OR2L3: variants seen among roughly 807,000 people sequenced by gnomAD.
OR2L3 encodes the protein olfactory receptor 2L3.
For synonymous variants in OR2L3, 131 were observed against 139.1 expected, an observed-to-expected ratio of 0.94 and a Z score of 0.41; for missense variants, 369 against 376.6, an observed-to-expected ratio of 0.98 and a Z score of 0.17.
rs1356663408 is a variant in OR2L3, at chr1:248,061,721, G to A, written c.*101G>A. 9 of 1,083,884 alleles carry A rather than the reference G, an allele frequency of 8.3e-6. No individual in the cohort carries two copies. Among genetic ancestry groups the A allele is most frequent in the East Asian group, 5.2e-5 (2 of 38,462 alleles). 67.1% of individuals were successfully genotyped at this position (1,083,884 alleles called of 1,614,324 possible). ...CAATCCTAGAGTTCAGGAGCTAAAA[G>A]TAATCAAGGTAAGAGAAAAAAATCA... On this transcript the variant is annotated 3_prime_UTR_variant, in exon 2 of 2. Coordinates refer to ENST00000359959, the MANE Select transcript of OR2L3 (RefSeq NM_001004687.2).
chr1:248,053,864 G>A (rs1437587141), intron 1 of OR2L3, among the ~76,000 whole-genome samples: 7 of 151,992 alleles, frequency 4.6e-5, no homozygotes, highest in Non-Finnish European at 1.0e-4. Context: ...TTAGATCTTT[G>A]TCAGATGGAT....
In OR2L3 at chr1:248,060,673, G is replaced by A. The variant is rs377553332; in HGVS notation, c.-9G>A. On this transcript the variant is annotated 5_prime_UTR_variant, in exon 2 of 2. Coordinates refer to ENST00000359959, the MANE Select transcript of OR2L3 (RefSeq NM_001004687.2). ...TGTCTCCCTTCAGGAAAGAGCACAC[G>A]AATGCCCCATGGAAAATTACAATCA... 15 of 1,604,496 alleles carry A rather than the reference G, an allele frequency of 9.3e-6. No homozygotes were observed. The highest frequency in any genetic ancestry group is 2.7e-5 in the African/African-American group (2 of 74,726).
chr1:248,061,469 C>T lies in OR2L3; in HGVS notation c.788C>T (p.Ser263Phe), dbSNP rs754673807. 1.2e-5 allele frequency: 19 copies of T among 1,613,888 alleles called. No individual in the cohort carries two copies. Among genetic ancestry groups the T allele is most frequent in the Non-Finnish European group, 1.4e-5 (17 of 1,179,976 alleles). The change falls in exon 2 of 2, where the codon TCC becomes TTC. Residue 263 changes from serine to phenylalanine, a missense_variant. Transcript: ENST00000359959. ...GTCTACACTTATCTACGTCCAAGAT[C>T]CCTGCGATCTCCAACAGAGGACAAG... ...PFVYTYLRPRSLRSPTEDKVL... is the reference protein window; with the variant it reads ...PFVYTYLRPRFLRSPTEDKVL...
rs1034355377 is a variant in OR2L3 at position 248,062,512 on chromosome 1, T to C, written c.*892T>C. On this transcript the variant is annotated 3_prime_UTR_variant, in exon 2 of 2. Transcript: ENST00000359959. Reference sequence around the variant, plus strand: ...TCTCACTCCTATGCGAGAGCTAGAATTTTTAAAAACTGAACTAGTGGAAAT... The same window carrying C: ...TCTCACTCCTATGCGAGAGCTAGAACTTTTAAAAACTGAACTAGTGGAAAT... 6.6e-6 allele frequency: 1 copy of C among 152,174 alleles called. No homozygotes were observed. The highest frequency in any genetic ancestry group is 2.4e-5 in the African/African-American group (1 of 41,444). 9.4% of individuals were successfully genotyped at this position (152,174 alleles called of 1,614,324 possible). A position where few individuals can be genotyped will look rare whatever the true frequency, so the allele number is the denominator to read the frequency against.
chr1:248,048,369 G>C (rs1201062573), intron 1 of OR2L3, among the ~76,000 whole-genome samples: 1 of 152,150 alleles, frequency 6.6e-6, no homozygotes. Flanking sequence ...TCCTAAGTCA[G>C]TCAAATACAA....
At chr1:248,047,662 A>T (rs956122724) in intron 1 of OR2L3, among the ~76,000 whole-genome samples, 3 of 152,184 alleles carry the variant, frequency 2.0e-5, no homozygotes, top group African/African-American at 7.2e-5. Flanking sequence ...TTCCAGTGAA[A>T]TTATAGAAAT....
intron 1 of OR2L3, among the ~76,000 whole-genome samples, chr1:248,048,170 G>C (rs1283092865): frequency 6.6e-6 from 1 of 152,140 alleles, no homozygotes; most frequent in African/African-American, 2.4e-5. Flanking sequence ...CTATCTGTGA[G>C]AGCTGATGCA....
chr1:248,056,672 CTTT>C (rs36123035), intron 1 of OR2L3, among the ~76,000 whole-genome samples: 1 of 135,104 alleles, frequency 7.4e-6, no homozygotes. Flanking sequence ...TTTGAGGGGG[CTTT>C]TTTTTTTTTT....
intron 1 of OR2L3, among the ~76,000 whole-genome samples, chr1:248,059,740 G>A (rs1295174861): frequency 6.6e-6 from 1 of 152,180 alleles, no homozygotes; most frequent in Admixed American, 6.5e-5. Context: ...AGTTTTAGAA[G>A]TAAATCTGGC....
intron 1 of OR2L3, among the ~76,000 whole-genome samples, chr1:248,056,304 C>A (rs1663432804): frequency 6.6e-6 from 1 of 151,728 alleles, no homozygotes; most frequent in Admixed American, 6.6e-5. Context: ...TTTCAAAAAC[C>A]AGCTCCTGGA....
At chr1:248,056,804 T>C (rs1210630790) in intron 1 of OR2L3, among the ~76,000 whole-genome samples, 1 of 151,724 alleles carries the variant, frequency 6.6e-6, no homozygotes, top group Non-Finnish European at 1.5e-5. Flanking sequence ...CACGCCACCA[T>C]ACTCGGCTAA....
intron 1 of OR2L3, among the ~76,000 whole-genome samples, chr1:248,047,681 TAAC>T (rs1663122780): frequency 6.6e-6 from 1 of 152,190 alleles, no homozygotes; most frequent in Non-Finnish European, 1.5e-5. Context: ...ATAGCTGCCT[TAAC>T]AACCACACAG....
chr1:248,062,827 T>A lies in OR2L3; in HGVS notation c.*1207T>A, dbSNP rs1435768617. The A allele has an allele frequency of 1.3e-5, 2 of 152,332 alleles. No individual in the cohort carries two copies. The highest frequency in any genetic ancestry group is 2.9e-5 in the Non-Finnish European group (2 of 68,024). The allele number at this position is 152,332 out of a possible 1,614,324, so 9.4% of individuals were successfully genotyped here. ...GATCATTATGCATTGTATGCCTTTA[T>A]CAAAGCATCACATACACTCCGCAAT... is the stretch of plus-strand genomic sequence containing the variant. On this transcript the variant is annotated 3_prime_UTR_variant, in exon 2 of 2. Transcript: ENST00000359959.
rs1331639383 is a variant in OR2L3 at position 248,058,935 on chromosome 1, A to AT, written c.-21-1720dup. On this transcript the variant is annotated intron_variant, in intron 1 of 1. Transcript: ENST00000359959. ...TTGCCTTTTGAAACTTTCACTTAAT[A>AT]TTTTTTATCAATTATTATATTTTTA... Among the ~76,000 whole-genome samples, 5 of 151,934 alleles carry AT rather than the reference A, an allele frequency of 3.3e-5. No homozygotes were observed. The South Asian group carries it at 8.3e-4, about 25-fold the overall frequency.
chr1:248,054,277 G>A (rs1251232901), intron 1 of OR2L3, among the ~76,000 whole-genome samples: 2 of 152,106 alleles, frequency 1.3e-5, no homozygotes, highest in Non-Finnish European at 2.9e-5. Flanking sequence ...TAGATGTGCA[G>A]TTTTATTTCT....
At position 248,061,435 on chromosome 1, in the gene OR2L3, G is replaced by A. The variant is rs779620202; in HGVS notation, c.754G>A (p.Ala252Thr). 1.9e-5 allele frequency: 31 copies of A among 1,613,906 alleles called. No homozygotes were observed. The highest frequency in any genetic ancestry group is 4.0e-5 in the African/African-American group (3 of 74,856). ...CCTCACTGTAGTAACTTTCTACTAT[G>A]CACCTTTTGTCTACACTTATCTACG... ...THLTVVTFYY[A>T]PFVYTYLRPR... Residue 252 changes from alanine to threonine, a missense_variant, in exon 2 of 2, where the codon GCA becomes ACA. Physicochemically the swap from Ala to Thr is moderately conservative, Grantham distance 58. Coordinates refer to ENST00000359959, the MANE Select transcript of OR2L3 (RefSeq NM_001004687.2).
intron 1 of OR2L3, among the ~76,000 whole-genome samples, chr1:248,048,784 A>G (rs547929637): frequency 1.3e-5 from 2 of 152,208 alleles, no homozygotes; most frequent in South Asian, 4.1e-4. Flanking sequence ...CAGGAAGTAA[A>G]CCAGATTCTG....
chr1:248,055,824 G>C (rs1663416130), intron 1 of OR2L3: 1 of 152,172 alleles, frequency 6.6e-6, no homozygotes, highest in Non-Finnish European at 1.5e-5. Flanking sequence ...TCAATTGTTT[G>C]GAAAAGTTTC....
chr1:248,058,834 T>A (rs1170405005), intron 1 of OR2L3, among the ~76,000 whole-genome samples: 1 of 152,042 alleles, frequency 6.6e-6, no homozygotes, highest in Non-Finnish European at 1.5e-5. Flanking sequence ...TTTCCCTACT[T>A]TTTTTATCTT....
Sources: allele counts gnomAD v4.1 joint callset (sites outside exome capture counted in the v4.1 genomes callset), GRCh38; gene constraint gnomAD v4.1.1; transcripts MANE v1.5; gene names NCBI Gene and HGNC (gene_info 2026-07-23, HGNC 2026-07-21).